SAMTOR: variants seen among roughly 807,000 people sequenced by gnomAD.
SAMTOR encodes the protein UPF0532 protein C7orf60.
chr7:112,919,114 G>A, the SAMTOR span, among the ~76,000 whole-genome samples: 1 of 152,146 alleles, frequency 6.6e-6, no homozygotes, highest in Non-Finnish European at 1.5e-5. Context: ...GACATCTACA[G>A]AACTCTCCAC....
chr7:112,919,742 C>T, the SAMTOR span, among the ~76,000 whole-genome samples: 32 of 151,074 alleles, frequency 2.1e-4, no homozygotes, highest in South Asian at 8.3e-4. Flanking sequence ...ATCAAATAGA[C>T]GCAATAAAAA....
At chr7:112,869,256 G>A in the SAMTOR span, among the ~76,000 whole-genome samples, 1 of 152,140 alleles carries the variant, frequency 6.6e-6, no homozygotes, top group African/African-American at 2.4e-5. Flanking sequence ...TGGGCTGAGA[G>A]AGGTGCTGTG....
chr7:112,875,431 T>C, the SAMTOR span, among the ~76,000 whole-genome samples: 1 of 152,166 alleles, frequency 6.6e-6, no homozygotes, highest in South Asian at 2.1e-4. Flanking sequence ...CCTTTTCTCT[T>C]CTTCTAAGCT....
the SAMTOR span, among the ~76,000 whole-genome samples, chr7:112,879,574 G>A: frequency 2.0e-4 from 30 of 152,116 alleles, no homozygotes; most frequent in Non-Finnish European, 5.9e-5. Context: ...TACAGGCTCA[G>A]TACTAATCTG....
chr7:112,902,416 C>CAAAAAAAAAAGA, the SAMTOR span, among the ~76,000 whole-genome samples: 1 of 12,320 alleles, frequency 8.1e-5, no homozygotes, highest in Non-Finnish European at 1.4e-4. Context: ...AACTCCGTCT[C>CAAAAAAAAAAGA]AAAAAAAAAA....
chr7:112,889,380 C>T, the SAMTOR span, among the ~76,000 whole-genome samples: 31 of 152,278 alleles, frequency 2.0e-4, no homozygotes, highest in Non-Finnish European at 2.8e-4. Context: ...AGAATTAGAA[C>T]GTATCCCATT....
At chr7:112,855,863 G>A in the SAMTOR span, among the ~76,000 whole-genome samples, 1 of 151,892 alleles carries the variant, frequency 6.6e-6, no homozygotes, top group African/African-American at 2.4e-5. Flanking sequence ...TTGGAAGCGG[G>A]GGCATCTTCA....
At chr7:112,927,272 T>A in the SAMTOR span, among the ~76,000 whole-genome samples, 1 of 152,092 alleles carries the variant, frequency 6.6e-6, no homozygotes, top group African/African-American at 2.4e-5. Flanking sequence ...AGGATTTTTT[T>A]ATCACTTAGT....
At chr7:112,830,837 A>G in the SAMTOR span, among the ~76,000 whole-genome samples, 1 of 152,180 alleles carries the variant, frequency 6.6e-6, no homozygotes, top group African/African-American at 2.4e-5. Context: ...ACATTTATTT[A>G]GCAGGCACTG....
At chr7:112,934,364 T>A in the SAMTOR span, among the ~76,000 whole-genome samples, 1 of 152,176 alleles carries the variant, frequency 6.6e-6, no homozygotes, top group African/African-American at 2.4e-5. Flanking sequence ...ATTACCATTA[T>A]CCCTATAACA....
chr7:112,894,964 T>C, the SAMTOR span, among the ~76,000 whole-genome samples: 1 of 152,204 alleles, frequency 6.6e-6, no homozygotes, highest in Non-Finnish European at 1.5e-5. Flanking sequence ...TAATAATTAA[T>C]TGGATTATAA....
chr7:112,834,881 A>G, the SAMTOR span, among the ~76,000 whole-genome samples: 1 of 152,168 alleles, frequency 6.6e-6, no homozygotes. Flanking sequence ...GTGAAGTACC[A>G]TAAGACACTT....
At chr7:112,938,843 G>A in the SAMTOR span, among the ~76,000 whole-genome samples, 2 of 152,178 alleles carry the variant, frequency 1.3e-5, no homozygotes, top group South Asian at 2.1e-4. Context: ...GGTTCTCACC[G>A]GAACCCCATC....
the SAMTOR span, among the ~76,000 whole-genome samples, chr7:112,832,845 T>C: frequency 6.6e-6 from 1 of 152,218 alleles, no homozygotes; most frequent in Non-Finnish European, 1.5e-5. Flanking sequence ...ATAATGATCA[T>C]ATTTGAAGTT....
At chr7:112,874,704 C>G in the SAMTOR span, among the ~76,000 whole-genome samples, 1 of 151,700 alleles carries the variant, frequency 6.6e-6, no homozygotes, top group Non-Finnish European at 1.5e-5. Context: ...TGTAACTTTA[C>G]ATATATTTAT....
chr7:112,910,802 C>T, the SAMTOR span, among the ~76,000 whole-genome samples: 1 of 151,942 alleles, frequency 6.6e-6, no homozygotes, highest in Non-Finnish European at 1.5e-5. Context: ...TAATTGGTAC[C>T]ATGAGAAAAC....
At chr7:112,840,386 T>C in the SAMTOR span, among the ~76,000 whole-genome samples, 1 of 151,856 alleles carries the variant, frequency 6.6e-6, no homozygotes, top group African/African-American at 2.4e-5. Flanking sequence ...TACTGGTGTA[T>C]ATCTGTTTAG....
the SAMTOR span, among the ~76,000 whole-genome samples, chr7:112,852,290 G>C: frequency 6.6e-6 from 1 of 152,104 alleles, no homozygotes; most frequent in Admixed American, 6.6e-5. Flanking sequence ...CATAAAAAAT[G>C]AAATTACGTC....
chr7:112,905,063 C>G, the SAMTOR span, among the ~76,000 whole-genome samples: 1 of 152,176 alleles, frequency 6.6e-6, no homozygotes, highest in Non-Finnish European at 1.5e-5. Flanking sequence ...TAAATCAACT[C>G]AAGACCATAT....
Sources: gnomAD v4.1 joint callset for allele counts (sites outside exome capture counted in the v4.1 genomes callset) on GRCh38, gnomAD v4.1.1 for gene constraint, MANE v1.5 for transcripts, NCBI Gene and HGNC (gene_info 2026-07-23, HGNC 2026-07-21) for gene names.